The following IL5RA variants were observed in gnomAD, a reference collection of about 807,000 sequenced individuals.
The protein encoded by IL5RA is interleukin 5 receptor subunit alpha.
Under a neutral mutation model 50.0 loss-of-function variants are expected in IL5RA, and 49 were observed. The observed-to-expected ratio is 0.98, with a 90% confidence interval of 0.78 to 1.24. The LOEUF is 1.24. Among genes scored for constraint, IL5RA ranks in the 50% most tolerant of loss-of-function variants. The pLI is 0.00. For missense variants in IL5RA, 600 were observed against 500.4 expected, an observed-to-expected ratio of 1.20 and a Z score of -1.90; for synonymous variants, 202 against 174.0, an observed-to-expected ratio of 1.16 and a Z score of -1.26.
At chr3:3,103,422 T>A (rs1703749386) in intron 3 of IL5RA, among the ~76,000 whole-genome samples, 1 of 152,214 alleles carries the variant, frequency 6.6e-6, no homozygotes, top group Non-Finnish European at 1.5e-5. Flanking sequence ...ATAGAAAATA[T>A]CAGTGTGCAT....
chr3:3,100,156 C>T (rs1703573945), intron 5 of IL5RA, among the ~76,000 whole-genome samples: 1 of 136,220 alleles, frequency 7.3e-6, no homozygotes, highest in African/African-American at 2.9e-5. Context: ...TGCACCTGGG[C>T]CAGGAAGGAC....
In IL5RA at chr3:3,087,742, G is replaced by A. The variant is rs1015733744; in HGVS notation, c.994+4482C>T. Among the ~76,000 whole-genome samples, 11 of 152,232 alleles carry A rather than the reference G, an allele frequency of 7.2e-5. No individual in the cohort carries two copies. The East Asian group carries it at 2.1e-3, about 29-fold the overall frequency. On this transcript the variant is annotated intron_variant, in intron 9 of 11. Coordinates refer to ENST00000446632, the MANE Select transcript of IL5RA (RefSeq NM_175726.4). The stretch of plus-strand genomic sequence containing the variant: ...GCTGTTTTTAAGATAAGGCAAAAGA[G>A]GAGAAAGCATAGTTAAAGGAAATGA...
intron 3 of IL5RA, among the ~76,000 whole-genome samples, chr3:3,103,430 C>T (rs1703750351): frequency 6.6e-6 from 1 of 152,164 alleles, no homozygotes; most frequent in East Asian, 1.9e-4. Context: ...TATCAGTGTG[C>T]ATCAAACATA....
Position 3,095,355 on chromosome 3 carries a change from T to C in IL5RA, c.799A>G (p.Ile267Val), listed in dbSNP as rs780948463. 4 of 1,609,756 alleles carry C rather than the reference T, an allele frequency of 2.5e-6. No individual in the cohort carries two copies. The change falls in exon 8 of 12, where the codon ATC (isoleucine) becomes GTC (valine). Residue 267 changes from isoleucine (I) to valine (V), a missense_variant. Physicochemically the swap from Ile to Val is conservative, Grantham distance 29. Transcript: ENST00000446632. ...QWEKPVSAFP[I>V]HCFDYEVKIH... ...TTTACTTCATAATCAAAGCAATGGA[T>C]TGGAAAAGCAGACACTGGTTTCTCC...
chr3:3,100,102 A>G (rs570448292), intron 5 of IL5RA, among the ~76,000 whole-genome samples: 1 of 152,322 alleles, frequency 6.6e-6, no homozygotes, highest in South Asian at 2.1e-4. Flanking sequence ...ACTGTGGGAA[A>G]CACTGGCCTT....
At chr3:3,096,278 CA>C (rs1553752099) in intron 7 of IL5RA, among the ~76,000 whole-genome samples, 3 of 108,468 alleles carry the variant, frequency 2.8e-5, no homozygotes, top group Non-Finnish European at 5.6e-5. Context: ...AAATCTGTCT[CA>C]AAAAAAAAAA....
In IL5RA at chr3:3,098,144, A is replaced by G. The variant is rs568089911; in HGVS notation, c.514T>C (p.Tyr172His). Residue 172 changes from tyrosine (Y) to histidine (H), a missense_variant, in exon 6 of 12, where the codon TAC becomes CAC. Coordinates refer to ENST00000446632, the MANE Select transcript of IL5RA (RefSeq NM_175726.4). ...AATAGGTACAGTACTAACCTATAGT[A>G]GAGAAAATACTGCGTGTCCTCAGGG... ...DAPEDTQYFL[Y>H]YRYGSWTEEC... 11 of 1,614,212 alleles carry G rather than the reference A, an allele frequency of 6.8e-6. No homozygotes were observed. Among genetic ancestry groups the G allele is most frequent in the African/African-American group, 1.3e-5 (1 of 75,064 alleles).
Position 3,076,071 on chromosome 3 carries a change from T to A in IL5RA, c.1091+460A>T, listed in dbSNP as rs17881204. 7.3e-4 allele frequency among the ~76,000 whole-genome samples: 111 copies of A among 152,254 alleles called. 1 individual carries two copies. The highest frequency in any genetic ancestry group is 8.3e-4 in the South Asian group (4 of 4,814). ...CCACATGCGATTTCTAGAATCCGTG[T>A]TTGACCTAATAACCATCAGCCACTC... On this transcript the variant is annotated intron_variant, in intron 10 of 11. Transcript: ENST00000446632.
chr3:3,095,198 A>T, intron 8 of IL5RA, 101 bp downstream of exon 8: 1 of 831,850 alleles, frequency 1.2e-6, no homozygotes, highest in Non-Finnish European at 1.9e-6. Flanking sequence ...TGACCTTGTT[A>T]GTACCAAGCT....
intron 10 of IL5RA, among the ~76,000 whole-genome samples, chr3:3,075,652 G>A (rs945811622): frequency 4.0e-5 from 6 of 151,100 alleles, no homozygotes; most frequent in African/African-American, 1.5e-4. Context: ...CCAGGCTGGA[G>A]TGCAATGGTA....
chr3:3,107,853 A>G (rs1440071126), intron 2 of IL5RA, among the ~76,000 whole-genome samples: 1 of 152,268 alleles, frequency 6.6e-6, no homozygotes, highest in Non-Finnish European at 1.5e-5. Context: ...TTTGACAATT[A>G]GCAGTGGATT....
chr3:3,085,002 C>T (rs994349285), intron 9 of IL5RA, among the ~76,000 whole-genome samples: 3 of 152,376 alleles, frequency 2.0e-5, no homozygotes, highest in Non-Finnish European at 4.4e-5. Context: ...GAACTCCCTG[C>T]TCCTGGCATT....
intron 5 of IL5RA, among the ~76,000 whole-genome samples, chr3:3,100,730 G>A (rs1288400838): frequency 6.6e-6 from 1 of 152,182 alleles, no homozygotes; most frequent in African/African-American, 2.4e-5. Flanking sequence ...AGGAGGAATG[G>A]TGGTTTGACG....
At chr3:3,090,261 G>T in intron 9 of IL5RA, 1 of 1,569,730 alleles carries the variant, frequency 6.4e-7, no homozygotes, top group South Asian at 1.1e-5. Flanking sequence ...AGAACCCTAG[G>T]AAACAGAGAG....
chr3:3,104,854 A>G, intron 3 of IL5RA, 49 bp downstream of exon 3: 1 of 1,137,240 alleles, frequency 8.8e-7, no homozygotes, highest in East Asian at 2.4e-5. Context: ...TCCTTTTACT[A>G]ACATATTTTT....
intron 10 of IL5RA, among the ~76,000 whole-genome samples, chr3:3,075,822 G>A (rs376382016): frequency 5.9e-5 from 9 of 151,964 alleles, no homozygotes; most frequent in South Asian, 2.1e-4. Flanking sequence ...GGGTGGTCTC[G>A]ATCTCCTGAC....
At position 3,069,194 on chromosome 3, in the gene IL5RA, T is replaced by TGGTTCCACCTGCA. The variant is rs1702218790; in HGVS notation, c.*1018_*1030dup. The TGGTTCCACCTGCA allele has an allele frequency of 1.3e-5, 2 of 152,282 alleles. No individual in the cohort carries two copies. Among genetic ancestry groups the TGGTTCCACCTGCA allele is most frequent in the African/African-American group, 4.8e-5 (2 of 41,468 alleles). The allele number at this position is 152,282 out of a possible 1,614,324, so 9.4% of individuals were successfully genotyped here. A position where few individuals can be genotyped will look rare whatever the true frequency, so the allele number is the denominator to read the frequency against. On this transcript the variant is annotated 3_prime_UTR_variant, in exon 12 of 12. Transcript: ENST00000446632. ...CCTCTGCCCAGGGCACACCTGTGCT[T>TGGTTCCACCTGCA]GGTTCCACCTGCAGTCCACCACCCA...
chr3:3,095,477 T>C (rs1251311506), intron 7 of IL5RA, 33 bp from the exon 8 acceptor site: 1 of 1,584,526 alleles, frequency 6.3e-7, no homozygotes, highest in East Asian at 2.2e-5. Context: ...AGTGATTTTT[T>C]TTTTAGAATC....
chr3:3,094,874 C>T (rs886852822), intron 8 of IL5RA, among the ~76,000 whole-genome samples: 7 of 152,066 alleles, frequency 4.6e-5, no homozygotes, highest in African/African-American at 1.4e-4. Flanking sequence ...ATTATAGTCA[C>T]GCGCCATCAC....
Sources: allele counts gnomAD v4.1 joint callset (sites outside exome capture counted in the v4.1 genomes callset), GRCh38; gene constraint gnomAD v4.1.1; transcripts MANE v1.5; gene names NCBI Gene and HGNC (gene_info 2026-07-23, HGNC 2026-07-21).